The following DOCK4 variants were observed in gnomAD, a reference collection of about 807,000 sequenced individuals.
The protein encoded by DOCK4 is dedicator of cytokinesis protein 4.
A neutral mutation model predicts 268.1 loss-of-function variants in DOCK4; 97 were observed. The ratio of observed to expected loss-of-function variants is 0.36; its 90% CI spans 0.31 to 0.43. The LOEUF is 0.43. Ranked by LOEUF, DOCK4 falls within the 20% of genes least tolerant of loss-of-function variation. DOCK4 has a pLI of 1.00. For missense variants in DOCK4, 2,145 were observed against 2,455.7 expected (o/e 0.87, Z 2.67); for synonymous variants, 954 against 887.2 (o/e 1.08, Z -1.34).
chr7:111,991,595 A>T (rs1397193381), intron 5 of DOCK4, among the ~76,000 whole-genome samples: 2 of 152,182 alleles, frequency 1.3e-5, no homozygotes, highest in Non-Finnish European at 2.9e-5. Context: ...TTTTGGCAGC[A>T]GCAGACTTAG....
Position 111,844,872 on chromosome 7 carries a change from T to C in DOCK4, c.2627A>G (p.Asp876Gly), listed in dbSNP as rs765094024. ...ATCCAGCAAGCTGGCCACTATCACATCTATTTCCTCCAGCACAGATTTTTC... is the reference window on the plus strand; with the variant it reads ...ATCCAGCAAGCTGGCCACTATCACACCTATTTCCTCCAGCACAGATTTTTC... ...SSEKSVLEEIDVIVASLLDIL... is the reference protein window; with the variant it reads ...SSEKSVLEEIGVIVASLLDIL... The change falls in exon 25 of 53, where the codon GAT (aspartate) becomes GGT (glycine). Residue 876 changes from aspartate to glycine, a missense_variant. Physicochemically the swap from Asp to Gly is moderately conservative, Grantham distance 94. Coordinates refer to ENST00000428084, the MANE Select transcript of DOCK4 (RefSeq NM_001363540.2). 1 of 1,612,904 alleles carries C rather than the reference T, an allele frequency of 6.2e-7. No homozygotes were observed. Among genetic ancestry groups the C allele is most frequent in the East Asian group, 2.2e-5 (1 of 44,854 alleles).
intron 1 of DOCK4, among the ~76,000 whole-genome samples, chr7:112,024,225 C>T (rs182839810): frequency 7.2e-5 from 11 of 152,334 alleles, no homozygotes; most frequent in South Asian, 2.1e-4. Context: ...AAGCATCACA[C>T]GGGGCCTGTC....
chr7:111,808,785 T>C (rs1253245607), intron 30 of DOCK4, 36 bp downstream of exon 30: 2 of 1,600,610 alleles, frequency 1.2e-6, no homozygotes, highest in African/African-American at 1.3e-5. Flanking sequence ...AGCGAGGAGC[T>C]GTATAGTAGA....
chr7:112,181,707 A>C (rs942748479), intron 1 of DOCK4, among the ~76,000 whole-genome samples: 2 of 151,812 alleles, frequency 1.3e-5, no homozygotes, highest in African/African-American at 4.8e-5. Context: ...AAAGTATGAT[A>C]CGTTCCCACT....
rs754120556 is a variant in DOCK4 at position 111,739,251 on chromosome 7, GAGA to G, written c.5123-11_5123-9del. 2.3e-5 allele frequency: 37 copies of G among 1,610,482 alleles called. No homozygotes were observed. The highest frequency in any genetic ancestry group is 2.8e-5 in the Non-Finnish European group (33 of 1,176,752). ...CAGACAACAAAGGAGAAGCTGGGAAGAGAAGGAGAGAGAGGATCATCAGCATGG... is the reference window on the plus strand; with the variant it reads ...CAGACAACAAAGGAGAAGCTGGGAAGAGGAGAGAGAGGATCATCAGCATGG... On this transcript the variant is annotated splice_polypyrimidine_tract_variant and intron_variant, in intron 48 of 52. Coordinates refer to ENST00000428084, the MANE Select transcript of DOCK4 (RefSeq NM_001363540.2).
chr7:111,894,813 T>C (rs1235929182), intron 16 of DOCK4, among the ~76,000 whole-genome samples: 1 of 152,130 alleles, frequency 6.6e-6, no homozygotes, highest in Non-Finnish European at 1.5e-5. Context: ...CAAGAAGCTT[T>C]TGAATGGGTC....
intron 4 of DOCK4, among the ~76,000 whole-genome samples, chr7:111,995,430 T>TG (rs1337283255): frequency 1.8e-4 from 15 of 84,884 alleles, no homozygotes; most frequent in Admixed American, 1.5e-3. Flanking sequence ...TGTGTGTGTG[T>TG]GTGTGTGTGT....
intron 13 of DOCK4, among the ~76,000 whole-genome samples, chr7:111,910,853 A>T (rs1792035973): frequency 6.6e-6 from 1 of 152,210 alleles, no homozygotes; most frequent in South Asian, 2.1e-4. Flanking sequence ...CAGACCCTTA[A>T]CCAAGGAAGA....
intron 1 of DOCK4, among the ~76,000 whole-genome samples, chr7:112,020,343 C>G (rs1265080386): frequency 6.6e-6 from 1 of 152,188 alleles, no homozygotes; most frequent in East Asian, 1.9e-4. Flanking sequence ...CTGAACCCCC[C>G]AGGTAAAAAA....
intron 1 of DOCK4, among the ~76,000 whole-genome samples, chr7:112,131,906 C>T (rs544799662): frequency 7.2e-5 from 11 of 152,224 alleles, no homozygotes; most frequent in Admixed American, 3.3e-4. Flanking sequence ...CCTAGAAAGA[C>T]GCCAGTGTCC....
At position 111,809,304 on chromosome 7, in the gene DOCK4, T is replaced by G. The variant is rs1195407927; in HGVS notation, c.3104A>C (p.Glu1035Ala). 1 of 1,554,374 alleles carries G rather than the reference T, an allele frequency of 6.4e-7. No individual in the cohort carries two copies. Among genetic ancestry groups the G allele is most frequent in the East Asian group, 2.4e-5 (1 of 41,620 alleles). ...FTPSKKKKVL[E>A]KYGDMRVTMG... Reference sequence around the variant, plus strand: ...CTGATTATACACTGATACTTACTTTTCTAACACCTTTTTCTTCTTGGAAGG... The same window carrying G: ...CTGATTATACACTGATACTTACTTTGCTAACACCTTTTTCTTCTTGGAAGG... Residue 1035 changes from glutamate to alanine, a missense_variant, in exon 29 of 53, where the codon GAA (glutamate) becomes GCA (alanine). By Grantham distance (107) the Glu-to-Ala change is moderately radical. Coordinates refer to ENST00000428084, the MANE Select transcript of DOCK4 (RefSeq NM_001363540.2).
Position 112,061,535 on chromosome 7 carries a change from A to T in DOCK4, c.38-57404T>A, listed in dbSNP as rs576070892. On this transcript the variant is annotated intron_variant, in intron 1 of 52. Coordinates refer to ENST00000428084, the MANE Select transcript of DOCK4 (RefSeq NM_001363540.2). ...ATGTCTTTCTGTCACCCGCTTTCTA[A>T]CACTCCATCCTTACATTTAATATGG... is the stretch of plus-strand genomic sequence containing the variant. Among the ~76,000 whole-genome samples the T allele has an allele frequency of 1.1e-3, 166 of 152,186 alleles. 1 individual carries two copies. Among genetic ancestry groups the T allele is most frequent in the African/African-American group, 3.9e-3 (161 of 41,512 alleles).
At chr7:111,810,932 G>A (rs777575778) in intron 28 of DOCK4, among the ~76,000 whole-genome samples, 21 of 152,178 alleles carry the variant, frequency 1.4e-4, no homozygotes, top group Non-Finnish European at 2.8e-4. Flanking sequence ...AACCTGGGAG[G>A]CGGAGGTGGC....
At position 111,765,118 on chromosome 7, in the gene DOCK4, T is replaced by G; in HGVS notation, c.4020A>C (p.Arg1340Ser). 6.7e-7 allele frequency: 1 copy of G among 1,485,170 alleles called. No homozygotes were observed. The highest frequency in any genetic ancestry group is 9.1e-7 in the Non-Finnish European group (1 of 1,103,894). The allele number at this position is 1,485,170 out of a possible 1,614,324, so 92.0% of individuals were successfully genotyped here. Residue 1340 changes from arginine to serine, a missense_variant and splice_region_variant, in exon 39 of 53, where the codon AGA (arginine) becomes AGC (serine). Arg to Ser is a moderately radical substitution (Grantham distance 110). Coordinates refer to ENST00000428084, the MANE Select transcript of DOCK4 (RefSeq NM_001363540.2). ...FYGKKFPFFLRNKEFVCRGHD... is the reference protein window; with the variant it reads ...FYGKKFPFFLSNKEFVCRGHD... ...GCAAATTAAATAGTATATTACTTAC[T>G]CTTAAGAAAAATGGAAATTTTTTTC...
chr7:111,823,352 G>A (rs978992964), intron 26 of DOCK4, among the ~76,000 whole-genome samples: 1 of 151,500 alleles, frequency 6.6e-6, no homozygotes, highest in East Asian at 1.9e-4. Context: ...GACCACAGGC[G>A]CCTGCCACCA....
intron 21 of DOCK4, among the ~76,000 whole-genome samples, chr7:111,868,508 C>T (rs1372621535): frequency 2.0e-5 from 3 of 152,046 alleles, no homozygotes; most frequent in Admixed American, 6.5e-5. Flanking sequence ...GTCAGGAGCT[C>T]GAGACCAGCC....
At chr7:111,755,759 A>G (rs571843423) in intron 41 of DOCK4, among the ~76,000 whole-genome samples, 158 bp from the exon 42 acceptor site, 2 of 152,212 alleles carry the variant, frequency 1.3e-5, no homozygotes, top group Non-Finnish European at 2.9e-5. Flanking sequence ...ACAGTGAGAG[A>G]TTGCTGAAGC....
At chr7:111,752,101 A>G (rs1796698105) in intron 42 of DOCK4, among the ~76,000 whole-genome samples, 1 of 152,238 alleles carries the variant, frequency 6.6e-6, no homozygotes, top group South Asian at 2.1e-4. Flanking sequence ...TATGAATACT[A>G]AAATATTTGT....
intron 5 of DOCK4, among the ~76,000 whole-genome samples, chr7:111,991,587 T>C (rs1194430720): frequency 6.6e-6 from 1 of 152,070 alleles, no homozygotes; most frequent in Non-Finnish European, 1.5e-5. Context: ...AGTACAGGTT[T>C]TGGCAGCAGC....
Sources: allele counts gnomAD v4.1 joint callset (sites outside exome capture counted in the v4.1 genomes callset), GRCh38; gene constraint gnomAD v4.1.1; transcripts MANE v1.5; gene names NCBI Gene and HGNC (gene_info 2026-07-23, HGNC 2026-07-21).